TMEM168: variants seen among roughly 807,000 people sequenced by gnomAD.
The protein encoded by TMEM168 is transmembrane protein 168.
A neutral mutation model predicts 53.2 loss-of-function variants in TMEM168; 40 were observed. The observed-to-expected ratio is 0.75, with a 90% CI of 0.58 to 0.98. The LOEUF (loss-of-function observed/expected upper bound fraction) is 0.98. Among genes scored for constraint, TMEM168 ranks in the 50% least tolerant of loss-of-function variants. TMEM168 has a pLI of 0.00. For synonymous variants in TMEM168, 282 were observed against 293.0 expected (o/e 0.96, Z 0.38); for missense variants, 771 against 828.8 (o/e 0.93, Z 0.86).
chr7:112,769,373 A>T (rs182271370), intron 4 of TMEM168, among the ~76,000 whole-genome samples: 2 of 152,184 alleles, frequency 1.3e-5, no homozygotes, highest in African/African-American at 4.8e-5. Flanking sequence ...TTAACTCTCC[A>T]TTATTGTCAG....
intron 2 of TMEM168, 95 bp downstream of exon 2, chr7:112,783,603 A>C: frequency 8.2e-7 from 1 of 1,223,208 alleles, no homozygotes; most frequent in South Asian, 2.5e-5. Flanking sequence ...TATCCTTTTG[A>C]AATCAGGAAC....
In TMEM168 at chr7:112,767,344, G is replaced by A. The variant is rs1406551612; in HGVS notation, c.1947C>T (p.Pro649=). ...WMLHFPRITY[P]LVHLANWLCG... Reference sequence around the variant, plus strand: ...ATAACCAATTTGCCAAATGCACTAGGGGATATGTAATACGAGGAAAGTGTA... The same window carrying A: ...ATAACCAATTTGCCAAATGCACTAGAGGATATGTAATACGAGGAAAGTGTA... The change falls in exon 5 of 5, where the codon CCC becomes CCT. Residue 649 remains proline, a synonymous_variant. Coordinates refer to ENST00000312814, the MANE Select transcript of TMEM168 (RefSeq NM_022484.6). The A allele has an allele frequency of 1.2e-6, 2 of 1,614,104 alleles. No individual in the cohort carries two copies. The highest frequency in any genetic ancestry group is 1.6e-4 in the Middle Eastern group (1 of 6,062).
intron 1 of TMEM168, among the ~76,000 whole-genome samples, chr7:112,787,396 G>A (rs1391124153): frequency 6.6e-6 from 1 of 151,768 alleles, no homozygotes; most frequent in Non-Finnish European, 1.5e-5. Context: ...GAGGGGGAAG[G>A]GGGGACGGAG....
intron 3 of TMEM168, among the ~76,000 whole-genome samples, chr7:112,773,815 G>A (rs1380277404): frequency 6.6e-6 from 1 of 151,944 alleles, no homozygotes; most frequent in East Asian, 1.9e-4. Context: ...TATATCATCA[G>A]TACTATTCTA....
Position 112,784,539 on chromosome 7 carries a change from T to C in TMEM168, c.287A>G (p.Asn96Ser), listed in dbSNP as rs766315900. Residue 96 changes from asparagine to serine, a missense_variant, in exon 2 of 5, where the codon AAT becomes AGT. Transcript: ENST00000312814. ...GCCAAGCAAGAATCCAAACCAAAGATTGGAGAGACTTAAACTTGCTGCTTC... is the reference window on the plus strand; with the variant it reads ...GCCAAGCAAGAATCCAAACCAAAGACTGGAGAGACTTAAACTTGCTGCTTC... ...SMEAASLSLSNLWFGFLLGLL... is the reference protein window; with the variant it reads ...SMEAASLSLSSLWFGFLLGLL... The C allele has an allele frequency of 1.4e-5, 22 of 1,614,036 alleles. No homozygotes were observed. The highest frequency in any genetic ancestry group is 1.1e-4 in the African/African-American group (8 of 74,934).
rs749693143 is a variant in TMEM168 at position 112,767,357 on chromosome 7, C to A, written c.1934G>T (p.Arg645Leu). The change falls in exon 5 of 5, where the codon CGT (arginine) becomes CTT (leucine). Residue 645 changes from arginine to leucine, a missense_variant. Transcript: ENST00000312814. ...CAAATGCACTAGGGGATATGTAATA[C>A]GAGGAAAGTGTAACATCCAGTGCTT... ...VAKHWMLHFPRITYPLVHLAN... is the reference protein window; with the variant it reads ...VAKHWMLHFPLITYPLVHLAN... The A allele has an allele frequency of 6.2e-7, 1 of 1,614,156 alleles. No individual in the cohort carries two copies. Among genetic ancestry groups the A allele is most frequent in the Non-Finnish European group, 8.5e-7 (1 of 1,180,014 alleles).
rs144299604 is a variant in TMEM168, at chr7:112,764,491, A to ATTTT, written c.*2702_*2705dup. 6.8e-6 allele frequency: 1 copy of ATTTT among 148,026 alleles called. No homozygotes were observed. The highest frequency in any genetic ancestry group is 6.7e-5 in the Admixed American group (1 of 14,988). The allele number at this position is 148,026 out of a possible 1,614,324, so 9.2% of individuals were successfully genotyped here. On this transcript the variant is annotated 3_prime_UTR_variant, in exon 5 of 5. Coordinates refer to ENST00000312814, the MANE Select transcript of TMEM168 (RefSeq NM_022484.6). ...AATATTTCTTTTCTACACCCTTATT[A>ATTTT]TTTTTTTTGTTTGTTTCTTTTTTTT... is the stretch of plus-strand genomic sequence containing the variant.
Position 112,762,959 on chromosome 7 carries a change from C to T in TMEM168, c.*4238G>A, listed in dbSNP as rs1186787121. Reference sequence around the variant, plus strand: ...ATGCTTATAGGCCTATTTTACTGACCTTCCAATTTAGTTGTCACTGATATG... The same window carrying T: ...ATGCTTATAGGCCTATTTTACTGACTTTCCAATTTAGTTGTCACTGATATG... On this transcript the variant is annotated 3_prime_UTR_variant, in exon 5 of 5. Coordinates refer to ENST00000312814, the MANE Select transcript of TMEM168 (RefSeq NM_022484.6). 6.6e-6 allele frequency: 1 copy of T among 151,968 alleles called. No homozygotes were observed. Among genetic ancestry groups the T allele is most frequent in the East Asian group, 1.9e-4 (1 of 5,202 alleles). 9.4% of individuals were successfully genotyped at this position (151,968 alleles called of 1,614,324 possible).
chr7:112,787,713 A>ATTTTTTTTTTTTTTTT lies in TMEM168; in HGVS notation c.-129+2431_-129+2446dup, dbSNP rs71155069. Among the ~76,000 whole-genome samples the ATTTTTTTTTTTTTTTT allele has an allele frequency of 3.9e-4, 15 of 38,788 alleles. 1 individual carries two copies. The highest frequency in any genetic ancestry group is 4.3e-4 in the African/African-American group (4 of 9,356). The allele number at this position is 38,788 out of a possible 152,430, so 25.4% of individuals were successfully genotyped here. A position where few individuals can be genotyped will look rare whatever the true frequency, so the allele number is the denominator to read the frequency against. ...ACAGGCGTGAGCCACTGCGACTGGC[A>ATTTTTTTTTTTTTTTT]TTTTTTTTTTTTTTTTTTTTTTTTT... On this transcript the variant is annotated intron_variant, in intron 1 of 4. Coordinates refer to ENST00000312814, the MANE Select transcript of TMEM168 (RefSeq NM_022484.6).
At position 112,762,867 on chromosome 7, in the gene TMEM168, G is replaced by A. The variant is rs564814715; in HGVS notation, c.*4330C>T. On this transcript the variant is annotated 3_prime_UTR_variant, in exon 5 of 5. Transcript: ENST00000312814. ...ATATTGTTTCTATGTGTTATAATTAGTGAATAGGTAAGACAATATAAAAAA... is the reference window on the plus strand; with the variant it reads ...ATATTGTTTCTATGTGTTATAATTAATGAATAGGTAAGACAATATAAAAAA... 5 of 152,148 alleles carry A rather than the reference G, an allele frequency of 3.3e-5. No individual in the cohort carries two copies. The East Asian group carries it at 7.7e-4, about 23-fold the overall frequency. 9.4% of individuals were successfully genotyped at this position (152,148 alleles called of 1,614,324 possible).
In TMEM168 at chr7:112,772,956, A is replaced by T; in HGVS notation, c.1371T>A (p.Tyr457Ter). The change falls in exon 4 of 5, where the codon TAT (tyrosine) becomes TAA (stop). Residue 457 changes from tyrosine to a stop codon, truncating the protein, a stop_gained. Coordinates refer to ENST00000312814, the MANE Select transcript of TMEM168 (RefSeq NM_022484.6). LOFTEE classifies it high-confidence loss of function. ...CACATCCATAGGTCTCAATCATATG[A>T]TATGCAAAAAATCTTTGGATAGCAT... Reference protein sequence around the residue: ...MLNAIQRFFAYHMIETYGCDY... With the variant: ...MLNAIQRFFA The T allele has an allele frequency of 3.1e-6, 5 of 1,614,088 alleles. No individual in the cohort carries two copies. Among genetic ancestry groups the T allele is most frequent in the Non-Finnish European group, 4.2e-6 (5 of 1,179,960 alleles).
rs1286409819 is a variant in TMEM168, at chr7:112,784,151, A to G, written c.675T>C (p.Ala225=). 1 of 1,614,004 alleles carries G rather than the reference A, an allele frequency of 6.2e-7. No homozygotes were observed. The highest frequency in any genetic ancestry group is 1.3e-5 in the African/African-American group (1 of 74,942). The change falls in exon 2 of 5, where the codon GCT becomes GCC. Residue 225 remains alanine (A), a synonymous_variant. Transcript: ENST00000312814. ...SSLETPKNPI[A]FACFFICLIT... ...TCAGGCAAATAAAAAAACACGCAAA[A>G]GCAATCGGATTTTTGGGAGTTTCCA... is the stretch of plus-strand genomic sequence containing the variant.
chr7:112,787,587 G>C (rs1369988013), intron 1 of TMEM168, among the ~76,000 whole-genome samples: 2 of 151,472 alleles, frequency 1.3e-5, no homozygotes, highest in African/African-American at 2.4e-5. Context: ...GTTAATTTTT[G>C]TATTTTTAGT....
chr7:112,782,217 T>C (rs942987310), intron 2 of TMEM168, among the ~76,000 whole-genome samples: 18 of 151,684 alleles, frequency 1.2e-4, no homozygotes, highest in African/African-American at 4.1e-4. Flanking sequence ...TAGGAAAGAG[T>C]AGAATGGAAG....
intron 3 of TMEM168, among the ~76,000 whole-genome samples, chr7:112,774,462 G>T (rs1273754809): frequency 6.7e-6 from 1 of 149,458 alleles, no homozygotes; most frequent in African/African-American, 2.5e-5. Flanking sequence ...AGATAATAAG[G>T]TTCAGAGTAG....
chr7:112,789,924 C>T (rs1208469427), intron 1 of TMEM168, among the ~76,000 whole-genome samples: 9 of 152,234 alleles, frequency 5.9e-5, no homozygotes, highest in Non-Finnish European at 1.2e-4. Flanking sequence ...CATCCTCTGC[C>T]TCGGAGAACG....
intron 2 of TMEM168, chr7:112,778,464 C>T (rs571627679): frequency 7.9e-5 from 12 of 152,224 alleles, no homozygotes; most frequent in African/African-American, 2.9e-4. Context: ...AAGTTTAAAA[C>T]TTATTTTATG....
chr7:112,772,822 TA>T lies in TMEM168; in HGVS notation c.1504del (p.Tyr502ThrfsTer13). 1.2e-6 allele frequency: 2 copies of T among 1,614,068 alleles called. No homozygotes were observed. Among genetic ancestry groups the T allele is most frequent in the Non-Finnish European group, 1.7e-6 (2 of 1,179,938 alleles). On this transcript the variant is annotated frameshift_variant, in exon 4 of 5. Coordinates refer to ENST00000312814, the MANE Select transcript of TMEM168 (RefSeq NM_022484.6). LOFTEE classifies it high-confidence loss of function. ...TCCTGTACCATGGGTGTGCCCACTG[TA>T]ATACAAAATATACGTATCATGTCTG... ...GPRHDTYILYYSGHTHGTGEW... is the reference protein window; with the variant it reads ...GPRHDTYILYXSGHTHGTGEW...
intron 4 of TMEM168, among the ~76,000 whole-genome samples, chr7:112,770,271 G>A (rs1792894625): frequency 6.6e-6 from 1 of 152,148 alleles, no homozygotes; most frequent in Non-Finnish European, 1.5e-5. Flanking sequence ...AAGTATGCGA[G>A]ATGCCTCAGG....
Sources: allele counts gnomAD v4.1 joint callset (sites outside exome capture counted in the v4.1 genomes callset), GRCh38; gene constraint gnomAD v4.1.1; transcripts MANE v1.5; gene names NCBI Gene and HGNC (gene_info 2026-07-23, HGNC 2026-07-21).